Variants in OSBPL8 observed in about 807,000 individuals in gnomAD.
OSBPL8 encodes the protein oxysterol binding protein like 8, also known as oxysterol-binding protein-related protein 8.
OSBPL8 carries 59 observed loss-of-function variants against 125.5 expected under a neutral mutation model. The observed-to-expected ratio is 0.47, with a 90% CI of 0.38 to 0.58. The LOEUF (loss-of-function observed/expected upper bound fraction) is 0.58, where lower values mean the gene tolerates loss of function less well. Ranked by LOEUF, OSBPL8 falls within the 20% of genes least tolerant of loss-of-function variation. The pLI is 0.00. For synonymous variants in OSBPL8, 330 were observed against 338.9 expected (o/e 0.97, Z 0.29); for missense variants, 758 against 1,047.8 (o/e 0.72, Z 3.82).
At chr12:76,411,526 T>C (rs1954512893) in intron 4 of OSBPL8, among the ~76,000 whole-genome samples, 1 of 152,082 alleles carries the variant, frequency 6.6e-6, no homozygotes, top group Non-Finnish European at 1.5e-5. Context: ...TTAAAAACAC[T>C]TCTAGCACAT....
chr12:76,447,347 G>A (rs921348100), intron 4 of OSBPL8, among the ~76,000 whole-genome samples: 2 of 152,156 alleles, frequency 1.3e-5, no homozygotes, highest in African/African-American at 4.8e-5. Context: ...ATTCTTATGT[G>A]ATGCAGCATG....
intron 1 of OSBPL8, among the ~76,000 whole-genome samples, chr12:76,533,939 G>A (rs545900917): frequency 6.6e-6 from 1 of 152,176 alleles, no homozygotes; most frequent in South Asian, 2.1e-4. Flanking sequence ...TAATCGGAAA[G>A]ACCAAAAATA....
intron 1 of OSBPL8, among the ~76,000 whole-genome samples, chr12:76,515,231 G>A (rs547720064): frequency 4.1e-4 from 63 of 152,316 alleles, no homozygotes; most frequent in Non-Finnish European, 8.2e-4. Context: ...ATTTACTGGA[G>A]TTCTTGAGTT....
intron 4 of OSBPL8, 35 bp downstream of exon 4, chr12:76,450,816 A>G (rs1460181352): frequency 1.3e-6 from 2 of 1,559,206 alleles, no homozygotes; most frequent in Non-Finnish European, 1.7e-6. Context: ...ACAAAAACAA[A>G]AACAAGACAA....
Position 76,392,815 on chromosome 12 carries a change from A to T in OSBPL8, c.758-63T>A, listed in dbSNP as rs191599266. ...AAACTATGAAACTAGCATGCATCTT[A>T]ACTTACCCTGTTACCACTATTTCTT... On this transcript the variant is annotated intron_variant, in intron 9 of 23. Transcript: ENST00000261183. 3.4e-5 allele frequency: 50 copies of T among 1,462,122 alleles called. No homozygotes were observed. In the Admixed American group the frequency reaches 9.7e-4, roughly 28 times the overall value. The allele number at this position is 1,462,122 out of a possible 1,614,324, so 90.6% of individuals were successfully genotyped here.
intron 21 of OSBPL8, among the ~76,000 whole-genome samples, chr12:76,361,808 T>C (rs915782025): frequency 2.6e-5 from 4 of 152,186 alleles, no homozygotes; most frequent in African/African-American, 9.7e-5. Flanking sequence ...AACCACCCCC[T>C]TGATTCAAAT....
intron 4 of OSBPL8, among the ~76,000 whole-genome samples, chr12:76,449,112 C>T (rs1215854386): frequency 1.3e-5 from 2 of 152,124 alleles, no homozygotes; most frequent in Non-Finnish European, 2.9e-5. Flanking sequence ...AAAGATAATT[C>T]ATAAAGTTAC....
At chr12:76,447,422 T>C (rs1872834519) in intron 4 of OSBPL8, among the ~76,000 whole-genome samples, 1 of 152,210 alleles carries the variant, frequency 6.6e-6, no homozygotes, top group Non-Finnish European at 1.5e-5. Context: ...TAATCGAGCC[T>C]TTGCATTTAA....
chr12:76,478,613 A>G (rs1474814970), intron 2 of OSBPL8, among the ~76,000 whole-genome samples: 2 of 152,202 alleles, frequency 1.3e-5, no homozygotes, highest in African/African-American at 2.4e-5. Context: ...TCTAACAAGA[A>G]TAACCATCTA....
intron 1 of OSBPL8, among the ~76,000 whole-genome samples, chr12:76,499,683 T>C (rs1401416962): frequency 6.6e-6 from 1 of 152,022 alleles, no homozygotes; most frequent in African/African-American, 2.4e-5. Context: ...AAACCTCGTC[T>C]CTACTAAAAA....
At position 76,389,731 on chromosome 12, in the gene OSBPL8, C is replaced by T. The variant is rs1953478410; in HGVS notation, c.1266G>A (p.Lys422=). The change falls in exon 12 of 24, where the codon AAG becomes AAA. Residue 422 remains lysine (K), a synonymous_variant. Coordinates refer to ENST00000261183, the MANE Select transcript of OSBPL8 (RefSeq NM_020841.5). Reference sequence around the variant, plus strand: ...CCAAAATAAATGTAGGCAGAACCACCTTGGATAGGTCCATGCCAGGACGGA... The same window carrying T: ...CCAAAATAAATGTAGGCAGAACCACTTTGGATAGGTCCATGCCAGGACGGA... ...KQVRPGMDLS[K]VVLPTFILEP... 1 of 1,609,202 alleles carries T rather than the reference C, an allele frequency of 6.2e-7. No individual in the cohort carries two copies. The highest frequency in any genetic ancestry group is 8.5e-7 in the Non-Finnish European group (1 of 1,177,006).
chr12:76,521,454 A>T (rs1882054346), intron 1 of OSBPL8, among the ~76,000 whole-genome samples: 1 of 152,234 alleles, frequency 6.6e-6, no homozygotes, highest in Non-Finnish European at 1.5e-5. Context: ...CTTCTAGGTA[A>T]GTAAACAAAA....
Position 76,425,926 on chromosome 12 carries a change from A to G in OSBPL8, c.218-15292T>C, listed in dbSNP as rs191280342. ...CAGTTGTTAAACTCTCAAAGAAATC[A>G]TAACCAAACTCTGGCTCAGAGACTC... On this transcript the variant is annotated intron_variant, in intron 4 of 23. Transcript: ENST00000261183. 2.6e-5 allele frequency among the ~76,000 whole-genome samples: 4 copies of G among 152,282 alleles called. No individual in the cohort carries two copies. In the East Asian group the frequency reaches 7.7e-4, roughly 29 times the overall value.
At chr12:76,546,991 T>C (rs1398971667) in intron 1 of OSBPL8, among the ~76,000 whole-genome samples, 1 of 152,246 alleles carries the variant, frequency 6.6e-6, no homozygotes, top group Non-Finnish European at 1.5e-5. Flanking sequence ...TCAGGCCAAA[T>C]TTGGGGATTT....
At chr12:76,387,928 A>T (rs969077344) in intron 12 of OSBPL8, among the ~76,000 whole-genome samples, 1 of 152,158 alleles carries the variant, frequency 6.6e-6, no homozygotes, top group Admixed American at 6.5e-5. Context: ...GTTCCTACTT[A>T]CCCTCTATAG....
chr12:76,460,137 T>C (rs1874540552), intron 2 of OSBPL8, among the ~76,000 whole-genome samples: 1 of 152,168 alleles, frequency 6.6e-6, no homozygotes, highest in Non-Finnish European at 1.5e-5. Context: ...CTTTAGAAAA[T>C]GAAGGTGGTA....
intron 1 of OSBPL8, among the ~76,000 whole-genome samples, chr12:76,556,095 G>A (rs115573483): frequency 0.011 from 1,722 of 152,038 alleles, 34 homozygotes; most frequent in African/African-American, 0.04. Context: ...TTATCATTTC[G>A]CTGCTTGCAT....
intron 8 of OSBPL8, among the ~76,000 whole-genome samples, chr12:76,396,460 C>T (rs967137077): frequency 2.0e-5 from 3 of 152,050 alleles, no homozygotes; most frequent in Non-Finnish European, 4.4e-5. Context: ...ATGATCATTT[C>T]GTAAAAACTT....
chr12:76,419,359 T>C (rs558491601), intron 4 of OSBPL8, among the ~76,000 whole-genome samples: 2 of 152,336 alleles, frequency 1.3e-5, no homozygotes, highest in East Asian at 1.9e-4. Flanking sequence ...TTCCCTATCA[T>C]TCCTTTCTTT....
Sources: gnomAD v4.1 joint callset for allele counts (sites outside exome capture counted in the v4.1 genomes callset) on GRCh38, gnomAD v4.1.1 for gene constraint, MANE v1.5 for transcripts, NCBI Gene and HGNC (gene_info 2026-07-23, HGNC 2026-07-21) for gene names.